The following KIAA1191 variants were observed in gnomAD, a reference collection of about 807,000 sequenced individuals.
KIAA1191 encodes the protein KIAA1191.
In KIAA1191, 22 loss-of-function variants were observed where a neutral mutation model predicts 31.1. The ratio of observed to expected loss-of-function variants is 0.71; its 90% CI spans 0.51 to 1.01. The LOEUF is 1.01. KIAA1191 is among the 50% of genes least tolerant of loss of function. The pLI is 0.00. For synonymous variants in KIAA1191, 130 were observed against 143.9 expected (o/e 0.90, Z 0.69); for missense variants, 319 against 388.0 (o/e 0.82, Z 1.49).
rs1766698049 is a variant in KIAA1191 at position 176,348,311 on chromosome 5, G to C, written c.505C>G (p.Pro169Ala). 1.9e-6 allele frequency: 3 copies of C among 1,613,564 alleles called. No individual in the cohort carries two copies. In the African/African-American group the frequency reaches 4.0e-5, roughly 22 times the overall value. The change falls in exon 7 of 9, where the codon CCT becomes GCT. Residue 169 changes from proline to alanine, a missense_variant. Pro to Ala is a conservative substitution (Grantham distance 27, BLOSUM62 -1). Transcript: ENST00000298569. ...SGEVTKEERQ[P>A]ASAQSTPSTT... is the part of the protein sequence containing the mutation. ...CTTGGGGTGGACTGGGCTGATGCAG[G>C]CTGCCTCTCTTCTTTTGTTACCTCT...
intron 5 of KIAA1191, among the ~76,000 whole-genome samples, chr5:176,351,320 G>T (rs533495918): frequency 6.7e-6 from 1 of 148,776 alleles, no homozygotes; most frequent in Non-Finnish European, 1.5e-5. Flanking sequence ...CAGCCTGGGC[G>T]ACAGAGCAAG....
At position 176,347,614 on chromosome 5, in the gene KIAA1191, G is replaced by C; in HGVS notation, c.904C>G (p.Pro302Ala). The change falls in exon 9 of 9, where the codon CCC (proline) becomes GCC (alanine). Residue 302 changes from proline (P) to alanine (A), a missense_variant. Transcript: ENST00000298569. ...GAAAGAGGGCTCTAGAAGCCAGTGG[G>C]TGTGAGCACATTCAGGTCACGGGGT... Reference protein sequence around the residue: ...LKPRDLNVLTPTGF With the variant: ...LKPRDLNVLTATGF 1 of 1,517,698 alleles carries C rather than the reference G, an allele frequency of 6.6e-7. No individual in the cohort carries two copies. The highest frequency in any genetic ancestry group is 8.8e-7 in the Non-Finnish European group (1 of 1,134,272). The allele number at this position is 1,517,698 out of a possible 1,614,324, so 94.0% of individuals were successfully genotyped here.
chr5:176,347,486 C>T lies in KIAA1191; in HGVS notation c.*114G>A, dbSNP rs1766607102. Reference sequence around the variant, plus strand: ...AAAGTGCTGGGATTACAGGCGTGAGCCACCACGCCCAGCTGATTAAGTTTT... The same window carrying T: ...AAAGTGCTGGGATTACAGGCGTGAGTCACCACGCCCAGCTGATTAAGTTTT... On this transcript the variant is annotated 3_prime_UTR_variant, in exon 9 of 9. Transcript: ENST00000298569. The T allele has an allele frequency of 2.3e-6, 2 of 855,992 alleles. No homozygotes were observed. The highest frequency in any genetic ancestry group is 5.6e-5 in the East Asian group (2 of 35,844). The allele number at this position is 855,992 out of a possible 1,614,324, so 53.0% of individuals were successfully genotyped here.
intron 3 of KIAA1191, 51 bp downstream of exon 3, chr5:176,359,430 A>G: frequency 6.4e-7 from 1 of 1,571,864 alleles, no homozygotes; most frequent in Non-Finnish European, 8.8e-7. Flanking sequence ...TGTCTAGCTT[A>G]AAACATTAAT....
At chr5:176,349,433 A>G (rs1766799853) in intron 6 of KIAA1191, among the ~76,000 whole-genome samples, 1 of 152,190 alleles carries the variant, frequency 6.6e-6, no homozygotes, top group Admixed American at 6.5e-5. Flanking sequence ...TAATCCCAGC[A>G]CTTTGGGAGG....
chr5:176,352,613 A>C lies in KIAA1191; in HGVS notation c.334+9T>G. 1 of 1,612,956 alleles carries C rather than the reference A, an allele frequency of 6.2e-7. No homozygotes were observed. The highest frequency in any genetic ancestry group is 8.5e-7 in the Non-Finnish European group (1 of 1,179,364). On this transcript the variant is annotated intron_variant, in intron 5 of 8. Coordinates refer to ENST00000298569, the MANE Select transcript of KIAA1191 (RefSeq NM_020444.5). ...ATGGCACTCTACTCTGAGGGTGAAGAGTGCTTACTTGTGATCAGAGAATTC... is the reference window on the plus strand; with the variant it reads ...ATGGCACTCTACTCTGAGGGTGAAGCGTGCTTACTTGTGATCAGAGAATTC...
Position 176,352,761 on chromosome 5 carries a change from G to A in KIAA1191, c.208-13C>T, listed in dbSNP as rs1279976248. 1 of 1,612,090 alleles carries A rather than the reference G, an allele frequency of 6.2e-7. No homozygotes were observed. Among genetic ancestry groups the A allele is most frequent in the Middle Eastern group, 1.7e-4 (1 of 6,052 alleles). Reference sequence around the variant, plus strand: ...CTCCTTCCTCCACCTGTTCAAGAGAGGTACAGTACAGAAGCACTTAGGCAG... The same window carrying A: ...CTCCTTCCTCCACCTGTTCAAGAGAAGTACAGTACAGAAGCACTTAGGCAG... On this transcript the variant is annotated splice_polypyrimidine_tract_variant and intron_variant, in intron 4 of 8. Coordinates refer to ENST00000298569, the MANE Select transcript of KIAA1191 (RefSeq NM_020444.5).
chr5:176,347,520 C>A lies in KIAA1191; in HGVS notation c.*80G>T. 2.5e-6 allele frequency: 3 copies of A among 1,188,454 alleles called. No individual in the cohort carries two copies. The highest frequency in any genetic ancestry group is 3.4e-6 in the Non-Finnish European group (3 of 873,968). The allele number at this position is 1,188,454 out of a possible 1,614,324, so 73.6% of individuals were successfully genotyped here. On this transcript the variant is annotated 3_prime_UTR_variant, in exon 9 of 9. Transcript: ENST00000298569. ...CCAGCTGATTAAGTTTTTAAATATA[C>A]CTTTCCTATGTCAAAGCCAAGGTAA...
rs1482409898 is a variant in KIAA1191 at position 176,347,938 on chromosome 5, A to G, written c.692T>C (p.Leu231Pro). 8 of 1,614,032 alleles carry G rather than the reference A, an allele frequency of 5.0e-6. No individual in the cohort carries two copies. The African/African-American group carries it at 8.0e-5, about 16-fold the overall frequency. ...DKWSLFGPRS[L>P]QKYDSGSFAT... ...TGCCTTACCAGAATCGTACTTCTGAAGGGATCTCGGTCCAAAGAGGCTCCA... is the reference window on the plus strand; with the variant it reads ...TGCCTTACCAGAATCGTACTTCTGAGGGGATCTCGGTCCAAAGAGGCTCCA... The change falls in exon 8 of 9, where the codon CTT becomes CCT. Residue 231 changes from leucine to proline, a missense_variant. Leu to Pro is a moderately conservative substitution (Grantham distance 98). Transcript: ENST00000298569.
chr5:176,352,849 T>C (rs2113481769), intron 4 of KIAA1191, 101 bp from the exon 5 acceptor site: 2 of 1,285,896 alleles, frequency 1.6e-6, no homozygotes, highest in South Asian at 1.6e-5. Context: ...ATAACATTAA[T>C]CTGGTAAGTG....
chr5:176,347,613 G>A lies in KIAA1191; in HGVS notation c.905C>T (p.Pro302Leu), dbSNP rs745413719. 4.0e-6 allele frequency: 6 copies of A among 1,513,944 alleles called. No individual in the cohort carries two copies. The Admixed American group carries it at 1.4e-4, about 34-fold the overall frequency. The allele number at this position is 1,513,944 out of a possible 1,614,324, so 93.8% of individuals were successfully genotyped here. ...LKPRDLNVLTPTGF is the reference protein window; with the variant it reads ...LKPRDLNVLTLTGF ...GGAAAGAGGGCTCTAGAAGCCAGTG[G>A]GTGTGAGCACATTCAGGTCACGGGG... is the stretch of plus-strand genomic sequence containing the variant. The change falls in exon 9 of 9, where the codon CCC (proline) becomes CTC (leucine). Residue 302 changes from proline to leucine, a missense_variant. Pro to Leu is a moderately conservative substitution (Grantham distance 98, BLOSUM62 -3). Coordinates refer to ENST00000298569, the MANE Select transcript of KIAA1191 (RefSeq NM_020444.5).
In KIAA1191 at chr5:176,347,292, C is replaced by T. The variant is rs1339038686; in HGVS notation, c.*308G>A. The T allele has an allele frequency of 5.5e-6, 1 of 181,178 alleles. No individual in the cohort carries two copies. Among genetic ancestry groups the T allele is most frequent in the Non-Finnish European group, 1.1e-5 (1 of 87,606 alleles). The allele number at this position is 181,178 out of a possible 1,614,324, so 11.2% of individuals were successfully genotyped here. ...TCTCAGCTCGGTACAACATCTGCTTCCTGGGTTCAGGCGATTCTCCTGCCT... is the reference window on the plus strand; with the variant it reads ...TCTCAGCTCGGTACAACATCTGCTTTCTGGGTTCAGGCGATTCTCCTGCCT... On this transcript the variant is annotated 3_prime_UTR_variant, in exon 9 of 9. Transcript: ENST00000298569.
intron 4 of KIAA1191, chr5:176,354,432 C>T (rs1767316409): frequency 6.6e-6 from 1 of 152,168 alleles, no homozygotes; most frequent in East Asian, 1.9e-4. Flanking sequence ...CTACTTTATT[C>T]AGGCAACAGT....
chr5:176,348,274 T>G lies in KIAA1191; in HGVS notation c.542A>C (p.His181Pro). Residue 181 changes from histidine (H) to proline (P), a missense_variant, in exon 7 of 9, where the codon CAC becomes CCC. His to Pro is a moderately conservative substitution (Grantham distance 77, BLOSUM62 -2). Transcript: ENST00000298569. ...SAQSTPSTTP[H>P]SSPKQRPRGW... ...CCTGGGCCTCTGCTTAGGTGAAGAGTGCGGAGTGGTGCTTGGGGTGGACTG... is the reference window on the plus strand; with the variant it reads ...CCTGGGCCTCTGCTTAGGTGAAGAGGGCGGAGTGGTGCTTGGGGTGGACTG... 6.2e-7 allele frequency: 1 copy of G among 1,613,324 alleles called. No homozygotes were observed. Among genetic ancestry groups the G allele is most frequent in the South Asian group, 1.1e-5 (1 of 91,032 alleles).
At chr5:176,357,881 T>C (rs1767642210) in intron 3 of KIAA1191, among the ~76,000 whole-genome samples, 1 of 152,204 alleles carries the variant, frequency 6.6e-6, no homozygotes, top group Non-Finnish European at 1.5e-5. Context: ...TAGTATTTAC[T>C]GGAAAATATG....
At position 176,355,615 on chromosome 5, in the gene KIAA1191, A is replaced by G; in HGVS notation, c.163T>C (p.Trp55Arg). The G allele has an allele frequency of 6.2e-7, 1 of 1,612,164 alleles. No individual in the cohort carries two copies. Among genetic ancestry groups the G allele is most frequent in the East Asian group, 2.2e-5 (1 of 44,860 alleles). The change falls in exon 4 of 9, where the codon TGG becomes CGG. Residue 55 changes from tryptophan (W) to arginine (R), a missense_variant. Transcript: ENST00000298569. The surrounding 1 kb of genome is among the most constrained non-coding windows in gnomAD (Gnocchi z 4.2). ...PPPSDMGSVP[W>R]KPVIPERKYQ... ...TTGCGCTCTGGAATCACTGGCTTCC[A>G]AGGGACGCTGCCCATGTCCGATGGA...
chr5:176,355,768 G>A lies in KIAA1191; in HGVS notation c.29-19C>T, dbSNP rs771978997. On this transcript the variant is annotated intron_variant, in intron 3 of 8. Coordinates refer to ENST00000298569, the MANE Select transcript of KIAA1191 (RefSeq NM_020444.5). The surrounding 1 kb of genome is among the most constrained non-coding windows in gnomAD (Gnocchi z 4.2). ...TCAAGAGCTAAGAACAGAGACACCT[G>A]TCAAGACAGGTTCAGCAACTGGACA... 3 of 1,612,708 alleles carry A rather than the reference G, an allele frequency of 1.9e-6. No homozygotes were observed. The African/African-American group carries it at 4.0e-5, about 22-fold the overall frequency.
In KIAA1191 at chr5:176,355,576, C is replaced by T. The variant is rs377317335; in HGVS notation, c.202G>A (p.Ala68Thr). The T allele has an allele frequency of 5.6e-6, 9 of 1,606,626 alleles. No individual in the cohort carries two copies. In the Admixed American group the frequency reaches 8.4e-5, roughly 15 times the overall value. ...VIPERKYQHLAKVEEGEASLP... is the reference protein window; with the variant it reads ...VIPERKYQHLTKVEEGEASLP... ...TGGCCAGCAGGGTCAGATACCTTGGCGAGGTGCTGATACTTGCGCTCTGGA... is the reference window on the plus strand; with the variant it reads ...TGGCCAGCAGGGTCAGATACCTTGGTGAGGTGCTGATACTTGCGCTCTGGA... Residue 68 changes from alanine to threonine, a missense_variant, in exon 4 of 9, where the codon GCC (alanine) becomes ACC (threonine). Transcript: ENST00000298569. The surrounding 1 kb of genome is among the most constrained non-coding windows in gnomAD (Gnocchi z 4.2).
In KIAA1191 at chr5:176,359,516, C is replaced by A. The variant is rs61745606; in HGVS notation, c.-8G>T. ...TGGTTGTCTTGAAGCCATTGAAAGACTGGGATCCAGGTGCTTTTTCTATAC... is the reference window on the plus strand; with the variant it reads ...TGGTTGTCTTGAAGCCATTGAAAGAATGGGATCCAGGTGCTTTTTCTATAC... On this transcript the variant is annotated 5_prime_UTR_variant, in exon 3 of 9. Coordinates refer to ENST00000298569, the MANE Select transcript of KIAA1191 (RefSeq NM_020444.5). 1,735 of 1,612,944 alleles carry A rather than the reference C, an allele frequency of 1.1e-3. 16 individuals are homozygous for A. In the African/African-American group the frequency reaches 0.02, roughly 18 times the overall value.
Sources: gnomAD v4.1 joint callset for allele counts (sites outside exome capture counted in the v4.1 genomes callset) on GRCh38, gnomAD v4.1.1 for gene constraint, Gnocchi (gnomAD v3.1) non-coding constraint, MANE v1.5 for transcripts, NCBI Gene and HGNC (gene_info 2026-07-23, HGNC 2026-07-21) for gene names.